ZBTB8A: variants seen among roughly 807,000 people sequenced by gnomAD.
The protein encoded by ZBTB8A is zinc finger and BTB domain-containing protein 8A.
A neutral mutation model predicts 37.8 loss-of-function variants in ZBTB8A; 19 were observed. That is an observed-to-expected ratio of 0.50 (90% CI 0.35 to 0.74). The LOEUF is 0.74. Among genes scored for constraint, ZBTB8A ranks in the 30% least tolerant of loss-of-function variants. The pLI is 0.01. For synonymous variants in ZBTB8A, 181 were observed against 185.2 expected, an observed-to-expected ratio of 0.98 and a Z score of 0.19; for missense variants, 394 against 537.8, an observed-to-expected ratio of 0.73 and a Z score of 2.65.
At chr1:32,549,311 T>C (rs1372879942) in intron 1 of ZBTB8A, among the ~76,000 whole-genome samples, 1 of 152,088 alleles carries the variant, frequency 6.6e-6, no homozygotes, top group Non-Finnish European at 1.5e-5. Context: ...CTGGTCAACA[T>C]GGTGAAACCC....
chr1:32,577,959 A>G (rs965714060), intron 2 of ZBTB8A, among the ~76,000 whole-genome samples: 1 of 151,728 alleles, frequency 6.6e-6, no homozygotes, highest in Non-Finnish European at 1.5e-5. Flanking sequence ...TCTGGAGTGC[A>G]GTGGTGTGAT....
intron 2 of ZBTB8A, among the ~76,000 whole-genome samples, chr1:32,569,693 G>A (rs1303634918): frequency 1.3e-5 from 2 of 151,292 alleles, no homozygotes; most frequent in East Asian, 3.9e-4. Context: ...CTCCCGGCCA[G>A]CTTTTCCTTT....
At chr1:32,591,299 C>T (rs1390741041) in intron 2 of ZBTB8A, among the ~76,000 whole-genome samples, 1 of 151,350 alleles carries the variant, frequency 6.6e-6, no homozygotes, top group Non-Finnish European at 1.5e-5. Flanking sequence ...CAGCCTTCAC[C>T]CCCTGGGCTC....
At chr1:32,578,341 T>G (rs1644378993) in intron 2 of ZBTB8A, among the ~76,000 whole-genome samples, 1 of 151,590 alleles carries the variant, frequency 6.6e-6, no homozygotes, top group Non-Finnish European at 1.5e-5. Flanking sequence ...CCTCCCAAAG[T>G]GCTGGGATTA....
At chr1:32,570,490 A>T (rs184042744) in intron 2 of ZBTB8A, among the ~76,000 whole-genome samples, 75 of 152,328 alleles carry the variant, frequency 4.9e-4, no homozygotes, top group African/African-American at 1.8e-3. Flanking sequence ...TTAATCCTGT[A>T]CGTCCACTTG....
At chr1:32,590,623 G>A (rs754511920) in intron 2 of ZBTB8A, among the ~76,000 whole-genome samples, 4 of 152,114 alleles carry the variant, frequency 2.6e-5, no homozygotes, top group Non-Finnish European at 4.4e-5. Context: ...AAAAACTTCA[G>A]CTGTATTTTA....
At chr1:32,583,633 A>G (rs906001345) in intron 2 of ZBTB8A, among the ~76,000 whole-genome samples, 1 of 152,096 alleles carries the variant, frequency 6.6e-6, no homozygotes, top group Admixed American at 6.6e-5. Flanking sequence ...AAATAAGGCC[A>G]TTGAAGATGT....
intron 2 of ZBTB8A, among the ~76,000 whole-genome samples, chr1:32,577,121 G>A (rs1203076344): frequency 1.3e-5 from 2 of 150,648 alleles, no homozygotes; most frequent in East Asian, 2.0e-4. Context: ...TGATCTGCCC[G>A]CCTTGGCCTC....
chr1:32,568,664 G>A (rs894675235), intron 2 of ZBTB8A, among the ~76,000 whole-genome samples: 5 of 152,180 alleles, frequency 3.3e-5, no homozygotes, highest in Non-Finnish European at 7.3e-5. Flanking sequence ...GGGATTACAG[G>A]CGTGAGCCAC....
At chr1:32,587,121 C>T (rs576400214) in intron 2 of ZBTB8A, among the ~76,000 whole-genome samples, 2 of 152,080 alleles carry the variant, frequency 1.3e-5, no homozygotes, top group Admixed American at 1.3e-4. Flanking sequence ...CGCCTGTAAT[C>T]CCAGCCACTC....
At chr1:32,562,298 C>G (rs754946761) in intron 2 of ZBTB8A, among the ~76,000 whole-genome samples, 16 of 151,558 alleles carry the variant, frequency 1.1e-4, no homozygotes, top group Non-Finnish European at 2.4e-4. Flanking sequence ...TGGAGTTTTG[C>G]TCTTGTTGCC....
chr1:32,559,661 C>T (rs901634561), intron 2 of ZBTB8A, among the ~76,000 whole-genome samples: 4 of 151,836 alleles, frequency 2.6e-5, no homozygotes, highest in African/African-American at 4.8e-5. Flanking sequence ...AATGGGGTTT[C>T]GCCATGTTGC....
intron 1 of ZBTB8A, among the ~76,000 whole-genome samples, chr1:32,541,456 C>T (rs1644054075): frequency 6.6e-6 from 1 of 152,196 alleles, no homozygotes; most frequent in African/African-American, 2.4e-5. Context: ...TACCCAAATG[C>T]CATCTTCTCA....
chr1:32,551,633 C>T (rs1039599792), intron 1 of ZBTB8A, among the ~76,000 whole-genome samples: 3 of 151,950 alleles, frequency 2.0e-5, no homozygotes, highest in Non-Finnish European at 4.4e-5. Context: ...CACTTGAACC[C>T]GGGAGGCAGA....
intron 2 of ZBTB8A, among the ~76,000 whole-genome samples, chr1:32,590,622 A>G (rs1644481154): frequency 6.6e-6 from 1 of 152,260 alleles, no homozygotes; most frequent in Non-Finnish European, 1.5e-5. Flanking sequence ...AAAAAACTTC[A>G]GCTGTATTTT....
intron 2 of ZBTB8A, among the ~76,000 whole-genome samples, chr1:32,588,771 G>C (rs1330129491): frequency 1.3e-5 from 2 of 152,072 alleles, no homozygotes; most frequent in Non-Finnish European, 2.9e-5. Context: ...ATCACCTGAA[G>C]TTGAGAGTTC....
Position 32,605,147 on chromosome 1 carries a change from C to CAAAAAAA in ZBTB8A, c.*4746_*4752dup, listed in dbSNP as rs1218964587. On this transcript the variant is annotated 3_prime_UTR_variant, in exon 5 of 5. Transcript: ENST00000373510. ...CCTGGGTGACAGAGCGAGACTCCAT[C>CAAAAAAA]AAAAAAAAAAAAAAAAAAAAAAAAG... 1 of 37,698 alleles carries CAAAAAAA rather than the reference C, an allele frequency of 2.7e-5. No individual in the cohort carries two copies. Among genetic ancestry groups the CAAAAAAA allele is most frequent in the Non-Finnish European group, 5.8e-5 (1 of 17,332 alleles). 2.3% of individuals were successfully genotyped at this position (37,698 alleles called of 1,614,324 possible). A position where few individuals can be genotyped will look rare whatever the true frequency, so the allele number is the denominator to read the frequency against.
intron 1 of ZBTB8A, among the ~76,000 whole-genome samples, chr1:32,550,645 A>T (rs534870733): frequency 1.8e-4 from 28 of 151,522 alleles, no homozygotes; most frequent in Admixed American, 1.8e-3. Flanking sequence ...AAAAGGAAAA[A>T]GAGATCAGTT....
intron 2 of ZBTB8A, among the ~76,000 whole-genome samples, chr1:32,570,607 C>T (rs1281685024): frequency 2.0e-5 from 3 of 152,192 alleles, no homozygotes; most frequent in Non-Finnish European, 4.4e-5. Context: ...GTTTTGAATA[C>T]ATAGAGTTTG....
Sources: allele counts gnomAD v4.1 joint callset (sites outside exome capture counted in the v4.1 genomes callset), GRCh38; gene constraint gnomAD v4.1.1; transcripts MANE v1.5; gene names NCBI Gene and HGNC (gene_info 2026-07-23, HGNC 2026-07-21).